ARFGEF3: variants seen among roughly 807,000 people sequenced by gnomAD.
ARFGEF3 encodes brefeldin A-inhibited guanine nucleotide-exchange protein 3.
Under a neutral mutation model 221.7 loss-of-function variants are expected in ARFGEF3, and 96 were observed. The observed-to-expected ratio is 0.43, with a 90% CI of 0.37 to 0.51. ARFGEF3 has a LOEUF of 0.51. ARFGEF3 is among the 20% of genes least tolerant of loss of function. ARFGEF3 has a pLI of 0.00. For missense variants in ARFGEF3, 2,410 were observed against 2,789.9 expected (o/e 0.86, Z 3.07); for synonymous variants, 1,145 against 1,126.8 (o/e 1.02, Z -0.32).
rs756826461 is a variant in ARFGEF3, at chr6:138,294,003, G to C, written c.3379G>C (p.Asp1127His). The C allele has an allele frequency of 1.2e-6, 2 of 1,613,526 alleles. No homozygotes were observed. The highest frequency in any genetic ancestry group is 1.7e-6 in the Non-Finnish European group (2 of 1,179,786). ...TCTGTTTGCATCCAGGCTCTTTGAA[G>C]ATGCTACGGATAAGTTGAACCTCAT... is the stretch of plus-strand genomic sequence containing the variant. ...LSTQADRLFE[D>H]ATDKLNLMAL... The change falls in exon 20 of 34, where the codon GAT becomes CAT. Residue 1127 changes from aspartate to histidine, a missense_variant. By Grantham distance (81) the Asp-to-His change is moderately conservative. Coordinates refer to ENST00000251691, the MANE Select transcript of ARFGEF3 (RefSeq NM_020340.5).
chr6:138,229,834 C>T lies in ARFGEF3; in HGVS notation c.402C>T (p.Ala134=), dbSNP rs780477367. 14 of 1,613,540 alleles carry T rather than the reference C, an allele frequency of 8.7e-6. No individual in the cohort carries two copies. The highest frequency in any genetic ancestry group is 2.2e-5 in the South Asian group (2 of 91,066). The change falls in exon 5 of 34, where the codon GCC becomes GCT. Residue 134 remains alanine, a synonymous_variant. Transcript: ENST00000251691. ...CAACATTTGATCTGAATGGGAGTGCCGTGCTGAAGATCGCGGAGGTGAGTA... is the reference window on the plus strand; with the variant it reads ...CAACATTTGATCTGAATGGGAGTGCTGTGCTGAAGATCGCGGAGGTGAGTA... ...YTPTFDLNGS[A]VLKIAEVCIE...
chr6:138,291,393 G>A lies in ARFGEF3; in HGVS notation c.3048-340G>A, dbSNP rs112496195. 6.0e-5 allele frequency among the ~76,000 whole-genome samples: 9 copies of A among 151,070 alleles called. 1 individual carries two copies. The highest frequency in any genetic ancestry group is 2.2e-4 in the African/African-American group (9 of 41,080). On this transcript the variant is annotated intron_variant, in intron 18 of 33. Transcript: ENST00000251691. This position sits in a 1 kb window ranked among gnomAD's most constrained non-coding sequence, Gnocchi z 4.5. ...GGAAAGAGGGTGCCTGGGGAAAAAT[G>A]GCTCAAACAGCAGGAGGGCAGATAA...
intron 2 of ARFGEF3, among the ~76,000 whole-genome samples, chr6:138,183,414 A>C (rs1562345205): frequency 2.0e-5 from 3 of 152,270 alleles, no homozygotes; most frequent in Non-Finnish European, 4.4e-5. Context: ...CCAGGCATTC[A>C]GTACAGAGGA....
intron 19 of ARFGEF3, among the ~76,000 whole-genome samples, chr6:138,292,479 TC>T (rs986820699): frequency 1.1e-4 from 17 of 152,226 alleles, no homozygotes; most frequent in African/African-American, 4.1e-4. Flanking sequence ...TTTTCAAAAA[TC>T]CCACATGCAT....
At chr6:138,259,472 T>C (rs998562783) in intron 10 of ARFGEF3, among the ~76,000 whole-genome samples, 7 of 152,188 alleles carry the variant, frequency 4.6e-5, no homozygotes, top group Non-Finnish European at 8.8e-5. Context: ...CCCTAGTCTT[T>C]ATCAGACCTC....
chr6:138,206,151 CA>C (rs900623924), intron 2 of ARFGEF3, among the ~76,000 whole-genome samples: 4 of 152,134 alleles, frequency 2.6e-5, no homozygotes, highest in African/African-American at 9.7e-5. Context: ...AAAATGAAGT[CA>C]CATTTTATTT....
At chr6:138,265,773 T>A (rs73567075) in intron 12 of ARFGEF3, among the ~76,000 whole-genome samples, 8,663 of 152,226 alleles carry the variant, frequency 0.057, 853 homozygotes, top group African/African-American at 0.2. Flanking sequence ...TGATTGTAAA[T>A]TGATGAAGTT....
At chr6:138,173,700 C>G (rs1291201920) in intron 2 of ARFGEF3, among the ~76,000 whole-genome samples, 2 of 152,112 alleles carry the variant, frequency 1.3e-5, no homozygotes, top group Non-Finnish European at 2.9e-5. Flanking sequence ...TCTCCTTTTA[C>G]TCATTTGGCT....
At chr6:138,193,479 T>C (rs1252875046) in intron 2 of ARFGEF3, among the ~76,000 whole-genome samples, 2 of 152,220 alleles carry the variant, frequency 1.3e-5, no homozygotes, top group Non-Finnish European at 2.9e-5. Context: ...GTCTCATTCA[T>C]CGTTATGTGT....
chr6:138,234,803 G>T (rs1778255493), intron 5 of ARFGEF3, among the ~76,000 whole-genome samples: 1 of 152,006 alleles, frequency 6.6e-6, no homozygotes, highest in Non-Finnish European at 1.5e-5. Flanking sequence ...AAGTTTCCCA[G>T]TTGAAAATAT....
intron 19 of ARFGEF3, 99 bp downstream of exon 19, chr6:138,292,152 C>A: frequency 9.9e-7 from 1 of 1,005,580 alleles, no homozygotes; most frequent in Non-Finnish European, 1.3e-6. Context: ...CATTTGTTAG[C>A]CAATCACTTA....
chr6:138,323,667 G>T lies in ARFGEF3; in HGVS notation c.4767-4G>T. ...AAAACTCCTTTACTTGTTTCTTTTG[G>T]CAGATACGTCCTTGTGACAGCGGGC... On this transcript the variant is annotated splice_polypyrimidine_tract_variant and splice_region_variant and intron_variant, in intron 29 of 33. Transcript: ENST00000251691. 6.2e-7 allele frequency: 1 copy of T among 1,612,016 alleles called. No homozygotes were observed. Among genetic ancestry groups the T allele is most frequent in the Non-Finnish European group, 8.5e-7 (1 of 1,178,876 alleles).
rs1267936876 is a variant in ARFGEF3, at chr6:138,276,064, G to T, written c.2129-2387G>T. On this transcript the variant is annotated intron_variant, in intron 12 of 33. Coordinates refer to ENST00000251691, the MANE Select transcript of ARFGEF3 (RefSeq NM_020340.5). ...CCAAGTATTTGCAGGAACAAATGGC[G>T]CATTCATTGAAAATCTCTCAAGGTG... is the stretch of plus-strand genomic sequence containing the variant. Among the ~76,000 whole-genome samples the T allele has an allele frequency of 2.6e-5, 4 of 152,148 alleles. No homozygotes were observed. The East Asian group carries it at 5.8e-4, about 22-fold the overall frequency.
Position 138,291,665 on chromosome 6 carries a change from T to C in ARFGEF3, c.3048-68T>C. The C allele has an allele frequency of 8.6e-7, 1 of 1,156,682 alleles. No individual in the cohort carries two copies. The highest frequency in any genetic ancestry group is 3.2e-5 in the South Asian group (1 of 30,834). The allele number at this position is 1,156,682 out of a possible 1,614,324, so 71.7% of individuals were successfully genotyped here. A position where few individuals can be genotyped will look rare whatever the true frequency, so the allele number is the denominator to read the frequency against. ...TGGCTGCATTTCCTTTGTCTGGCAC[T>C]GTGGGGTTTATGGAGCTGCCGGGGT... On this transcript the variant is annotated intron_variant, in intron 18 of 33. Coordinates refer to ENST00000251691, the MANE Select transcript of ARFGEF3 (RefSeq NM_020340.5). The surrounding 1 kb of genome is among the most constrained non-coding windows in gnomAD (Gnocchi z 4.5).
chr6:138,171,161 T>C (rs570608961), intron 2 of ARFGEF3, among the ~76,000 whole-genome samples: 88 of 151,868 alleles, frequency 5.8e-4, no homozygotes, highest in Middle Eastern at 3.4e-3. Context: ...CACGTTCATA[T>C]GATAGCATAG....
At chr6:138,167,271 A>C (rs866108146) in intron 1 of ARFGEF3, among the ~76,000 whole-genome samples, 1 of 152,170 alleles carries the variant, frequency 6.6e-6, no homozygotes, top group African/African-American at 2.4e-5. Context: ...TCTTACTCCC[A>C]GCTCTTCTGG....
chr6:138,253,758 C>A, intron 8 of ARFGEF3, 122 bp from the exon 9 acceptor site: 1 of 757,026 alleles, frequency 1.3e-6, no homozygotes, highest in Non-Finnish European at 2.2e-6. Flanking sequence ...TAACACTAAC[C>A]GTCCCCCTAA....
At chr6:138,295,486 C>T (rs527977379) in intron 20 of ARFGEF3, among the ~76,000 whole-genome samples, 203 of 151,446 alleles carry the variant, frequency 1.3e-3, no homozygotes, top group African/African-American at 4.7e-3. Flanking sequence ...AAAAATTAGC[C>T]GGGTGTCATG....
At chr6:138,303,484 T>C (rs1426740476) in intron 22 of ARFGEF3, among the ~76,000 whole-genome samples, 2 of 152,118 alleles carry the variant, frequency 1.3e-5, no homozygotes, top group Non-Finnish European at 2.9e-5. Flanking sequence ...CGTGAGATAC[T>C]ATTTCACATC....
Sources: gnomAD v4.1 joint callset for allele counts (sites outside exome capture counted in the v4.1 genomes callset) on GRCh38, gnomAD v4.1.1 for gene constraint, Gnocchi (gnomAD v3.1) non-coding constraint, MANE v1.5 for transcripts, NCBI Gene and HGNC (gene_info 2026-07-23, HGNC 2026-07-21) for gene names.